AAGAB: variants seen among roughly 807,000 people sequenced by gnomAD.
AAGAB encodes alpha and gamma adaptin binding protein.
AAGAB carries 38 observed loss-of-function variants against 44.1 expected under a neutral mutation model. That is an observed-to-expected ratio of 0.86 (90% CI 0.67 to 1.13). AAGAB has a LOEUF of 1.13. AAGAB is among the 50% of genes most tolerant of loss of function. The probability of loss-of-function intolerance (pLI) is 0.00; values close to 1 mark genes in which losing one functional copy is unlikely to be tolerated. For synonymous variants in AAGAB, 131 were observed against 131.8 expected, an observed-to-expected ratio of 0.99 and a Z score of 0.04; for missense variants, 450 against 373.8, an observed-to-expected ratio of 1.20 and a Z score of -1.68.
intron 1 of AAGAB, among the ~76,000 whole-genome samples, chr15:67,253,943 T>C (rs772609922): frequency 1.3e-5 from 2 of 152,108 alleles, no homozygotes; most frequent in Non-Finnish European, 2.9e-5. Context: ...TGTTCTCTCT[T>C]TTAAGAGTTA....
intron 5 of AAGAB, among the ~76,000 whole-genome samples, chr15:67,218,253 G>A (rs1304124072): frequency 2.6e-5 from 4 of 152,154 alleles, no homozygotes; most frequent in Admixed American, 2.0e-4. Context: ...CTCCACGGTG[G>A]TAATTGTTAA....
intron 4 of AAGAB, among the ~76,000 whole-genome samples, chr15:67,233,604 A>G (rs948873307): frequency 1.3e-5 from 2 of 152,258 alleles, no homozygotes; most frequent in Non-Finnish European, 2.9e-5. Context: ...AGAAGAGCAC[A>G]GAGTTACATG....
In AAGAB at chr15:67,204,180, C is replaced by T. The variant is rs141177071; in HGVS notation, c.716-32G>A. On this transcript the variant is annotated intron_variant, in intron 7 of 9. Transcript: ENST00000261880. Reference sequence around the variant, plus strand: ...TAGGGATTTGTCACATTATCTGTCACGTTATTTGCATATGTGCTACACTCA... The same window carrying T: ...TAGGGATTTGTCACATTATCTGTCATGTTATTTGCATATGTGCTACACTCA... The T allele has an allele frequency of 4.2e-4, 613 of 1,445,418 alleles. 3 individuals carry two copies. In the East Asian group the frequency reaches 0.013, roughly 30 times the overall value. 89.5% of individuals were successfully genotyped at this position (1,445,418 alleles called of 1,614,324 possible).
At chr15:67,238,348 C>T (rs1456370744) in intron 1 of AAGAB, among the ~76,000 whole-genome samples, 3 of 152,118 alleles carry the variant, frequency 2.0e-5, no homozygotes, top group Non-Finnish European at 2.9e-5. Flanking sequence ...TCAATTCCAT[C>T]GCAACCAGCT....
chr15:67,255,101 C>A, upstream of AAGAB: 1 of 720,976 alleles, frequency 1.4e-6, no homozygotes, highest in Non-Finnish European at 2.5e-6. Context: ...CCACCCAGAC[C>A]TTCCCCCACG....
At chr15:67,240,167 T>G (rs1374615335) in intron 1 of AAGAB, among the ~76,000 whole-genome samples, 1 of 152,218 alleles carries the variant, frequency 6.6e-6, no homozygotes. Context: ...CACAATTATA[T>G]ACGGATCTGC....
chr15:67,249,508 T>C (rs1964810927), intron 1 of AAGAB, among the ~76,000 whole-genome samples: 1 of 152,242 alleles, frequency 6.6e-6, no homozygotes, highest in Admixed American at 6.5e-5. Flanking sequence ...GTATGCATAA[T>C]GCTCTTTTTT....
Position 67,227,080 on chromosome 15 carries a change from AAG to A in AAGAB, c.535+4732_535+4733del, listed in dbSNP as rs200943780. On this transcript the variant is annotated intron_variant, in intron 5 of 9. Coordinates refer to ENST00000261880, the MANE Select transcript of AAGAB (RefSeq NM_024666.5). ...ATTGAGCATATTTAAATATTTTTAA[AAG>A]AGTTTCAAACAAATATTTTTCTGCA... The A allele has an allele frequency of 1.8e-3, 287 of 159,160 alleles. 1 individual carries two copies. The highest frequency in any genetic ancestry group is 5.2e-3 in the Admixed American group (80 of 15,370). The allele number at this position is 159,160 out of a possible 1,614,324, so 9.9% of individuals were successfully genotyped here.
intron 1 of AAGAB, among the ~76,000 whole-genome samples, chr15:67,251,384 A>C (rs8042340): frequency 0.67 from 102,397 of 151,964 alleles, 35,109 homozygotes; most frequent in Middle Eastern, 0.82. Flanking sequence ...GCTAGGACGA[A>C]AGGCACATAC....
At chr15:67,250,327 C>T (rs1964832530) in intron 1 of AAGAB, among the ~76,000 whole-genome samples, 1 of 152,148 alleles carries the variant, frequency 6.6e-6, no homozygotes, top group Admixed American at 6.5e-5. Flanking sequence ...TAGGCACGCA[C>T]CACCGTGCCC....
intron 1 of AAGAB, among the ~76,000 whole-genome samples, chr15:67,246,653 C>G (rs1596017352): frequency 6.6e-6 from 1 of 151,862 alleles, no homozygotes; most frequent in East Asian, 2.0e-4. Context: ...TGTAAAAACA[C>G]ACCAATCAGC....
rs151171149 is a variant in AAGAB, at chr15:67,249,096, G to A, written c.73+5463C>T. ...GTCACCCATGCTGGAGTGCAGTGGC[G>A]TGATCTGAGCTTACTAGAACCTCCA... On this transcript the variant is annotated intron_variant, in intron 1 of 9. Coordinates refer to ENST00000261880, the MANE Select transcript of AAGAB (RefSeq NM_024666.5). 1.9e-3 allele frequency among the ~76,000 whole-genome samples: 284 copies of A among 151,956 alleles called. 1 individual carries two copies. The highest frequency in any genetic ancestry group is 5.2e-3 in the Admixed American group (80 of 15,270).
intron 4 of AAGAB, among the ~76,000 whole-genome samples, chr15:67,233,876 C>T (rs532861238): frequency 6.6e-6 from 1 of 152,278 alleles, no homozygotes; most frequent in African/African-American, 2.4e-5. Flanking sequence ...AGGCACTCAG[C>T]AACTGTTTAA....
chr15:67,240,967 C>G (rs896241356), intron 1 of AAGAB, among the ~76,000 whole-genome samples: 13 of 151,890 alleles, frequency 8.6e-5, no homozygotes, highest in African/African-American at 2.7e-4. Context: ...AGGTGATACT[C>G]TCTTTAGCAT....
chr15:67,204,311 GC>G (rs1963637828), intron 7 of AAGAB, among the ~76,000 whole-genome samples, 163 bp from the exon 8 acceptor site: 1 of 152,160 alleles, frequency 6.6e-6, no homozygotes, highest in Non-Finnish European at 1.5e-5. Context: ...CTGCTAGTGG[GC>G]CCTCACAAAT....
rs190067752 is a variant in AAGAB at position 67,253,737 on chromosome 15, G to A, written c.73+822C>T. ...TCACTGCACTCCAGCCCGGGCGACAGAGCAAGTTCCCGTCTCTTTAAAAAA... is the reference window on the plus strand; with the variant it reads ...TCACTGCACTCCAGCCCGGGCGACAAAGCAAGTTCCCGTCTCTTTAAAAAA... On this transcript the variant is annotated intron_variant, in intron 1 of 9. Transcript: ENST00000261880. Among the ~76,000 whole-genome samples the A allele has an allele frequency of 6.9e-4, 104 of 151,456 alleles. 4 individuals are homozygous for A. The East Asian group carries it at 0.012, about 18-fold the overall frequency.
At chr15:67,221,423 C>T (rs1252523191) in intron 5 of AAGAB, among the ~76,000 whole-genome samples, 1 of 152,192 alleles carries the variant, frequency 6.6e-6, no homozygotes, top group Non-Finnish European at 1.5e-5. Flanking sequence ...CAATTAATTG[C>T]TTCTAGGACT....
chr15:67,214,325 C>T (rs1354881800), intron 5 of AAGAB, among the ~76,000 whole-genome samples: 1 of 152,230 alleles, frequency 6.6e-6, no homozygotes, highest in Non-Finnish European at 1.5e-5. Context: ...AGCCCTATAA[C>T]TCCTTGAGGC....
At chr15:67,235,524 A>T (rs1964440669) in intron 4 of AAGAB, among the ~76,000 whole-genome samples, 1 of 152,200 alleles carries the variant, frequency 6.6e-6, no homozygotes, top group South Asian at 2.1e-4. Flanking sequence ...TGGGGGATTA[A>T]ATTTGGGGTC....
Sources: gnomAD v4.1 joint callset for allele counts (sites outside exome capture counted in the v4.1 genomes callset) on GRCh38, gnomAD v4.1.1 for gene constraint, MANE v1.5 for transcripts, NCBI Gene and HGNC (gene_info 2026-07-23, HGNC 2026-07-21) for gene names.